The following SNTG1 variants were observed in gnomAD, a reference collection of about 807,000 sequenced individuals.
SNTG1 encodes the protein gamma-1-syntrophin.
SNTG1 carries 39 observed loss-of-function variants against 74.7 expected under a neutral mutation model. The observed-to-expected ratio is 0.52, with a 90% CI of 0.40 to 0.68. The LOEUF (loss-of-function observed/expected upper bound fraction) is 0.68, where lower values mean the gene tolerates loss of function less well. Among genes scored for constraint, SNTG1 ranks in the 30% least tolerant of loss-of-function variants. The pLI is 0.00. For synonymous variants in SNTG1, 254 were observed against 217.1 expected, an observed-to-expected ratio of 1.17 and a Z score of -1.49; for missense variants, 685 against 609.5, an observed-to-expected ratio of 1.12 and a Z score of -1.30.
intron 8 of SNTG1, among the ~76,000 whole-genome samples, chr8:50,453,403 T>G (rs1400662982): frequency 6.7e-6 from 1 of 149,670 alleles, no homozygotes; most frequent in East Asian, 1.9e-4. Flanking sequence ...ACTGTATTCT[T>G]GCTGGAAGAT....
At chr8:50,683,685 CAT>C (rs1243041825) in intron 15 of SNTG1, among the ~76,000 whole-genome samples, 1 of 152,126 alleles carries the variant, frequency 6.6e-6, no homozygotes, top group Non-Finnish European at 1.5e-5. Flanking sequence ...TGGCCAGATC[CAT>C]ATGAGTCCAT....
At position 50,669,756 on chromosome 8, in the gene SNTG1, T is replaced by C. The variant is rs1412844282; in HGVS notation, c.1038+11093T>C. On this transcript the variant is annotated intron_variant, in intron 15 of 18. Transcript: ENST00000642720. ...ACAACCAAAAAAGAGAATTTTAGAC[T>C]AATATCCTTGATGAACATTGATGCA... Among the ~76,000 whole-genome samples the C allele has an allele frequency of 8.5e-5, 13 of 152,068 alleles. No individual in the cohort carries two copies. In the East Asian group the frequency reaches 1.2e-3, roughly 14 times the overall value.
chr8:50,027,494 G>C (rs899106510), intron 1 of SNTG1, among the ~76,000 whole-genome samples: 3 of 152,172 alleles, frequency 2.0e-5, no homozygotes, highest in Non-Finnish European at 4.4e-5. Flanking sequence ...GATTAGGGTG[G>C]CTCCTATGGA....
Position 50,717,347 on chromosome 8 carries a change from T to G in SNTG1, c.1284+8369T>G, listed in dbSNP as rs575135450. ...GTATTTTAGTTTACCTTTGCTTAAA[T>G]TATCATTTTTGATTTCCATAAAAGT... On this transcript the variant is annotated intron_variant, in intron 17 of 18. Coordinates refer to ENST00000642720, the MANE Select transcript of SNTG1 (RefSeq NM_018967.5). Among the ~76,000 whole-genome samples the G allele has an allele frequency of 2.3e-4, 35 of 152,330 alleles. 1 individual carries two copies. The South Asian group carries it at 7.0e-3, about 31-fold the overall frequency.
chr8:50,579,474 G>T (rs565942713), intron 12 of SNTG1, among the ~76,000 whole-genome samples: 1 of 152,126 alleles, frequency 6.6e-6, no homozygotes, highest in African/African-American at 2.4e-5. Context: ...TGGGGAAAAT[G>T]TCTTCAGGGC....
At chr8:50,188,737 A>G (rs1175578176) in intron 2 of SNTG1, among the ~76,000 whole-genome samples, 3 of 152,150 alleles carry the variant, frequency 2.0e-5, no homozygotes, top group East Asian at 1.9e-4. Context: ...TACACAGTTC[A>G]CAATGGACTA....
chr8:50,115,655 C>A (rs779692707), intron 1 of SNTG1, among the ~76,000 whole-genome samples: 1 of 148,796 alleles, frequency 6.7e-6, no homozygotes, highest in African/African-American at 2.5e-5. Flanking sequence ...CAAGTGATGA[C>A]AAATGAGTGC....
chr8:50,687,815 T>TA (rs2095359358), intron 15 of SNTG1, among the ~76,000 whole-genome samples: 1 of 152,024 alleles, frequency 6.6e-6, no homozygotes, highest in South Asian at 2.1e-4. Flanking sequence ...AGTGAGAACA[T>TA]ACAGTGTTTG....
chr8:50,655,816 G>A (rs2095176769), intron 13 of SNTG1, among the ~76,000 whole-genome samples: 1 of 152,062 alleles, frequency 6.6e-6, no homozygotes, highest in Admixed American at 6.6e-5. Context: ...TTACTAGCTG[G>A]AATACAACAA....
At chr8:50,449,817 T>A in intron 6 of SNTG1, 92 bp downstream of exon 6, 1 of 1,120,596 alleles carries the variant, frequency 8.9e-7, no homozygotes, top group Non-Finnish European at 1.2e-6. Context: ...AATTACAATG[T>A]GATTGACTGG....
intron 2 of SNTG1, among the ~76,000 whole-genome samples, chr8:50,296,483 G>A (rs11784464): frequency 0.59 from 90,088 of 151,992 alleles, 29,350 homozygotes; most frequent in East Asian, 0.85. Flanking sequence ...TGAAGCTGGA[G>A]ACCATCATTC....
intron 5 of SNTG1, among the ~76,000 whole-genome samples, chr8:50,445,937 G>C (rs2093402584): frequency 6.6e-6 from 1 of 152,184 alleles, no homozygotes; most frequent in East Asian, 1.9e-4. Flanking sequence ...AGACACTAAA[G>C]GAGGGGGCTT....
At chr8:50,471,957 G>A (rs1221825327) in intron 8 of SNTG1, among the ~76,000 whole-genome samples, 1 of 152,010 alleles carries the variant, frequency 6.6e-6, no homozygotes, top group Admixed American at 6.6e-5. Flanking sequence ...ATTTAAAATA[G>A]CATAAAAATA....
At chr8:50,283,049 G>A (rs60379023) in intron 2 of SNTG1, among the ~76,000 whole-genome samples, 10,614 of 152,202 alleles carry the variant, frequency 0.07, 413 homozygotes, top group African/African-American at 0.086. Context: ...GTATTTTACC[G>A]TATTGCTCCA....
chr8:50,763,378 T>C (rs887485935), intron 18 of SNTG1, among the ~76,000 whole-genome samples: 2 of 151,888 alleles, frequency 1.3e-5, no homozygotes, highest in Non-Finnish European at 2.9e-5. Context: ...GAGTTGATTT[T>C]TAGTCTGATT....
At chr8:50,463,338 C>T (rs990596834) in intron 8 of SNTG1, among the ~76,000 whole-genome samples, 16 of 151,940 alleles carry the variant, frequency 1.1e-4, no homozygotes, top group African/African-American at 2.9e-4. Flanking sequence ...TCAACTTGGC[C>T]CAGATCCCTC....
At chr8:50,080,156 G>A (rs2131070990) in intron 1 of SNTG1, among the ~76,000 whole-genome samples, 1 of 152,082 alleles carries the variant, frequency 6.6e-6, no homozygotes, top group Non-Finnish European at 1.5e-5. Context: ...GTTTTATTGT[G>A]GTTCCATACT....
intron 5 of SNTG1, among the ~76,000 whole-genome samples, chr8:50,446,218 A>G (rs1045844942): frequency 6.6e-6 from 1 of 152,226 alleles, no homozygotes; most frequent in African/African-American, 2.4e-5. Flanking sequence ...AATTAACTGT[A>G]GCAGCTGAGC....
intron 18 of SNTG1, among the ~76,000 whole-genome samples, chr8:50,769,551 G>T (rs574172644): frequency 2.0e-5 from 3 of 151,908 alleles, no homozygotes; most frequent in Non-Finnish European, 4.4e-5. Flanking sequence ...ATAATAAACT[G>T]CATTTCAACT....
Sources: gnomAD v4.1 joint callset for allele counts (sites outside exome capture counted in the v4.1 genomes callset) on GRCh38, gnomAD v4.1.1 for gene constraint, MANE v1.5 for transcripts, NCBI Gene and HGNC (gene_info 2026-07-23, HGNC 2026-07-21) for gene names.